The following PDIA5 variants were observed in gnomAD, a reference collection of about 807,000 sequenced individuals.
PDIA5 encodes protein disulfide-isomerase A5.
Under a neutral mutation model 77.6 loss-of-function variants are expected in PDIA5, and 58 were observed. The observed-to-expected ratio is 0.75, with a 90% CI of 0.61 to 0.93. The LOEUF (loss-of-function observed/expected upper bound fraction) is 0.93. Ranked by LOEUF, PDIA5 falls within the 40% of genes least tolerant of loss-of-function variation. The pLI, the probability that PDIA5 is intolerant of heterozygous loss-of-function variation, is 0.00. For synonymous variants in PDIA5, 250 were observed against 252.1 expected (o/e 0.99, Z 0.08); for missense variants, 630 against 647.7 (o/e 0.97, Z 0.30).
intron 7 of PDIA5, among the ~76,000 whole-genome samples, chr3:123,115,970 C>T (rs1037756879): frequency 5.9e-5 from 9 of 152,232 alleles, no homozygotes; most frequent in Admixed American, 5.2e-4. Context: ...CCCATCATGT[C>T]ATGTTTGTTT....
intron 7 of PDIA5, among the ~76,000 whole-genome samples, chr3:123,113,374 G>A (rs545502462): frequency 6.6e-6 from 1 of 152,308 alleles, no homozygotes; most frequent in African/African-American, 2.4e-5. Flanking sequence ...GTGGCAGTGT[G>A]CCCATCCCAT....
At chr3:123,091,834 T>G (rs1360648137) in intron 2 of PDIA5, among the ~76,000 whole-genome samples, 1 of 152,178 alleles carries the variant, frequency 6.6e-6, no homozygotes, top group Non-Finnish European at 1.5e-5. Context: ...ATCATCAGGT[T>G]GTACTGAGCT....
intron 11 of PDIA5, among the ~76,000 whole-genome samples, chr3:123,141,653 G>GT (rs1409168249): frequency 6.6e-6 from 1 of 152,240 alleles, no homozygotes; most frequent in Non-Finnish European, 1.5e-5. Flanking sequence ...GCAGCTTGGG[G>GT]TTGCCCCCGG....
At chr3:123,088,013 G>A (rs72974433) in intron 1 of PDIA5, among the ~76,000 whole-genome samples, 1,606 of 152,306 alleles carry the variant, frequency 0.011, 28 homozygotes, top group African/African-American at 0.036. Context: ...GGAGCTTGGA[G>A]GAATGAGTGA....
intron 6 of PDIA5, 52 bp downstream of exon 6, chr3:123,106,893 A>G: frequency 7.9e-7 from 1 of 1,259,944 alleles, no homozygotes; most frequent in Non-Finnish European, 1.1e-6. Flanking sequence ...CCCTGGTACC[A>G]GGGCCTCCCA....
In PDIA5 at chr3:123,106,723, TTTCTC is replaced by T. The variant is rs1303207421; in HGVS notation, c.388-18_388-14del. ...CCCTCTTTTCAGGGCTAAAATGCATTTTCTCTTCTCTTTTTTTTCCCTCAGTCCAT... is the reference window on the plus strand; with the variant it reads ...CCCTCTTTTCAGGGCTAAAATGCATTTTCTCTTTTTTTTCCCTCAGTCCAT... On this transcript the variant is annotated intron_variant, in intron 5 of 16. Coordinates refer to ENST00000316218, the MANE Select transcript of PDIA5 (RefSeq NM_006810.4). The T allele has an allele frequency of 2.6e-6, 4 of 1,547,740 alleles. No homozygotes were observed. In the East Asian group the frequency reaches 9.0e-5, roughly 35 times the overall value.
intron 10 of PDIA5, among the ~76,000 whole-genome samples, chr3:123,127,776 ATGTCCTT>A (rs1339035142): frequency 6.6e-6 from 1 of 152,166 alleles, no homozygotes; most frequent in Non-Finnish European, 1.5e-5. Flanking sequence ...GTGCTCTCTT[ATGTCCTT>A]TCTCCGAATT....
intron 1 of PDIA5, among the ~76,000 whole-genome samples, chr3:123,069,583 C>A (rs924425418): frequency 2.6e-5 from 4 of 152,198 alleles, no homozygotes; most frequent in Admixed American, 1.3e-4. Context: ...CTAGTGAGGA[C>A]CCTCCTCCAG....
chr3:123,094,947 G>A (rs1409855938), intron 3 of PDIA5, among the ~76,000 whole-genome samples: 1 of 152,200 alleles, frequency 6.6e-6, no homozygotes, highest in East Asian at 1.9e-4. Context: ...CCTTTAAAAG[G>A]CAGGTGAGGG....
intron 6 of PDIA5, among the ~76,000 whole-genome samples, chr3:123,110,648 T>C (rs1426123136): frequency 6.6e-6 from 1 of 152,172 alleles, no homozygotes; most frequent in Non-Finnish European, 1.5e-5. Context: ...TCCTCACGAC[T>C]CCCTCTCACC....
chr3:123,085,023 C>T (rs946013126), intron 1 of PDIA5, among the ~76,000 whole-genome samples: 2 of 152,196 alleles, frequency 1.3e-5, no homozygotes, highest in African/African-American at 4.8e-5. Context: ...CAGCCTGCCC[C>T]CACTGCCTTC....
Position 123,102,568 on chromosome 3 carries a change from A to AT in PDIA5, c.341+79dup, listed in dbSNP as rs1422437572. 3.4e-6 allele frequency: 4 copies of AT among 1,182,012 alleles called. No homozygotes were observed. In the East Asian group the frequency reaches 9.5e-5, roughly 28 times the overall value. The allele number at this position is 1,182,012 out of a possible 1,614,324, so 73.2% of individuals were successfully genotyped here. On this transcript the variant is annotated intron_variant, in intron 4 of 16. Coordinates refer to ENST00000316218, the MANE Select transcript of PDIA5 (RefSeq NM_006810.4). ...TCATTGGTATTTTCAGCGAACAGCAATTTTTAGTTAGATTAATTTTATTTC... is the reference window on the plus strand; with the variant it reads ...TCATTGGTATTTTCAGCGAACAGCAATTTTTTAGTTAGATTAATTTTATTTC...
At chr3:123,080,240 A>C (rs1310942852) in intron 1 of PDIA5, among the ~76,000 whole-genome samples, 1 of 152,200 alleles carries the variant, frequency 6.6e-6, no homozygotes. Context: ...ACATATTAGC[A>C]TATTGAGTTC....
At chr3:123,122,252 A>C (rs836852) in intron 8 of PDIA5, among the ~76,000 whole-genome samples, 105,814 of 151,916 alleles carry the variant, frequency 0.7, 38,137 homozygotes, top group Non-Finnish European at 0.8. Flanking sequence ...GTGAATGTGC[A>C]CTGACACTGG....
chr3:123,101,792 C>T (rs1297732181), intron 3 of PDIA5, among the ~76,000 whole-genome samples: 1 of 152,036 alleles, frequency 6.6e-6, no homozygotes, highest in Non-Finnish European at 1.5e-5. Flanking sequence ...ATGGGCTGTC[C>T]ACCCACTAAG....
At chr3:123,096,561 T>G (rs959213569) in intron 3 of PDIA5, among the ~76,000 whole-genome samples, 7 of 152,064 alleles carry the variant, frequency 4.6e-5, no homozygotes, top group South Asian at 2.1e-4. Context: ...TTAAAAAAAT[T>G]TTTTGCTTTT....
At chr3:123,111,061 G>C (rs1934851461) in intron 7 of PDIA5, 57 bp downstream of exon 7, 1 of 1,268,252 alleles carries the variant, frequency 7.9e-7, no homozygotes. Flanking sequence ...TTGTGGGTGG[G>C]AGGCAGGTGG....
intron 6 of PDIA5, 56 bp downstream of exon 6, chr3:123,106,897 C>A: frequency 2.5e-6 from 3 of 1,195,540 alleles, no homozygotes; most frequent in Middle Eastern, 2.8e-4. Flanking sequence ...GGTACCAGGG[C>A]CTCCCAAGGA....
At chr3:123,131,147 G>C (rs1227369248) in intron 11 of PDIA5, among the ~76,000 whole-genome samples, 1 of 152,200 alleles carries the variant, frequency 6.6e-6, no homozygotes, top group Non-Finnish European at 1.5e-5. Flanking sequence ...GTGCACACTT[G>C]TAGTCCCAGC....
Sources: allele counts gnomAD v4.1 joint callset (sites outside exome capture counted in the v4.1 genomes callset), GRCh38; gene constraint gnomAD v4.1.1; transcripts MANE v1.5; gene names NCBI Gene and HGNC (gene_info 2026-07-23, HGNC 2026-07-21).